CAGE1: variants seen among roughly 807,000 people sequenced by gnomAD.
CAGE1 encodes cancer antigen 1, also known as cancer-associated gene 1 protein.
Under a neutral mutation model 94.9 loss-of-function variants are expected in CAGE1, and 66 were observed. That is an observed-to-expected ratio of 0.70 (90% CI 0.57 to 0.85). The LOEUF is 0.85. CAGE1 is among the 40% of genes least tolerant of loss of function. The pLI is 0.00. For synonymous variants in CAGE1, 319 were observed against 321.0 expected (o/e 0.99, Z 0.07); for missense variants, 865 against 950.4 (o/e 0.91, Z 1.18).
chr6:7,368,379 A>G (rs9406024), intron 7 of CAGE1, among the ~76,000 whole-genome samples: 56,538 of 151,980 alleles, frequency 0.37, 10,708 homozygotes, highest in Admixed American at 0.43. Context: ...CCAAAGGATG[A>G]AGTTTGAAAT....
chr6:7,368,856 G>T, intron 6 of CAGE1, 58 bp from the exon 7 acceptor site: 1 of 997,600 alleles, frequency 1.0e-6, no homozygotes, highest in Non-Finnish European at 1.5e-6. Flanking sequence ...CTAAAATGAG[G>T]CCAAAACTAT....
chr6:7,367,404 T>C (rs1175764330), intron 7 of CAGE1, among the ~76,000 whole-genome samples: 1 of 151,426 alleles, frequency 6.6e-6, no homozygotes, highest in Non-Finnish European at 1.5e-5. Context: ...GCCTCCGGAA[T>C]AGCTAGGACA....
At chr6:7,372,664 CTTTTTTCT>C (rs1004784665) in intron 5 of CAGE1, among the ~76,000 whole-genome samples, 3 of 151,944 alleles carry the variant, frequency 2.0e-5, no homozygotes, top group Non-Finnish European at 4.4e-5. Flanking sequence ...ATCTGTTTTT[CTTTTTTCT>C]TTTTTTCTTT....
At chr6:7,346,387 T>A (rs1011856685) in intron 11 of CAGE1, among the ~76,000 whole-genome samples, 2 of 151,780 alleles carry the variant, frequency 1.3e-5, no homozygotes, top group African/African-American at 4.8e-5. Context: ...AGACCCTGTT[T>A]CTAAAATAAA....
At chr6:7,342,514 C>G (rs891307025) in intron 11 of CAGE1, among the ~76,000 whole-genome samples, 1 of 152,154 alleles carries the variant, frequency 6.6e-6, no homozygotes, top group Non-Finnish European at 1.5e-5. Context: ...ACTCATACTC[C>G]GGGTATCTGT....
chr6:7,354,717 TGTGA>T (rs1447687989), intron 11 of CAGE1, among the ~76,000 whole-genome samples: 6 of 152,226 alleles, frequency 3.9e-5, no homozygotes, highest in Non-Finnish European at 8.8e-5. Flanking sequence ...AATATCTTTT[TGTGA>T]GTAATTTCTA....
chr6:7,361,179 A>G (rs979301618), intron 9 of CAGE1, among the ~76,000 whole-genome samples: 2 of 152,164 alleles, frequency 1.3e-5, no homozygotes, highest in African/African-American at 4.8e-5. Flanking sequence ...CCTGCTTCTA[A>G]AAGAGGAACT....
chr6:7,335,596 C>T (rs1281275121), intron 11 of CAGE1, among the ~76,000 whole-genome samples: 2 of 152,186 alleles, frequency 1.3e-5, no homozygotes, highest in East Asian at 3.8e-4. Context: ...TTTTACTATT[C>T]AGAGACAGAG....
intron 12 of CAGE1, 135 bp downstream of exon 12, chr6:7,333,887 C>T (rs1198282253): frequency 1.5e-5 from 8 of 525,568 alleles, no homozygotes; most frequent in African/African-American, 1.0e-4. Context: ...AGGCTGGTCT[C>T]GAACTCCTGA....
intron 8 of CAGE1, 90 bp downstream of exon 8, chr6:7,365,714 A>G: frequency 2.3e-6 from 3 of 1,319,490 alleles, no homozygotes; most frequent in South Asian, 1.3e-5. Context: ...TAGAACTAGA[A>G]GTACTTCAAC....
chr6:7,364,471 T>C (rs976322124), intron 9 of CAGE1, among the ~76,000 whole-genome samples: 1 of 152,100 alleles, frequency 6.6e-6, no homozygotes, highest in Non-Finnish European at 1.5e-5. Context: ...GGTTTTTTGT[T>C]TGTTTGTTTG....
rs869241612 is a variant in CAGE1, at chr6:7,328,934, A to ATTTT, written c.2478+911_2478+914dup. 6.0e-3 allele frequency among the ~76,000 whole-genome samples: 639 copies of ATTTT among 106,792 alleles called. 21 individuals are homozygous for ATTTT. The highest frequency in any genetic ancestry group is 0.019 in the African/African-American group (465 of 24,744). The allele number at this position is 106,792 out of a possible 152,430, so 70.1% of individuals were successfully genotyped here. ...TGTGTGTGTGTATATATATATATAT[A>ATTTT]TTTTTTTTTTTTTTTGAGATAGAGT... is the stretch of plus-strand genomic sequence containing the variant. On this transcript the variant is annotated intron_variant, in intron 13 of 13. Transcript: ENST00000502583.
intron 9 of CAGE1, among the ~76,000 whole-genome samples, chr6:7,358,999 T>A (rs1488649901): frequency 6.6e-6 from 1 of 152,186 alleles, no homozygotes; most frequent in African/African-American, 2.4e-5. Flanking sequence ...TCTTTTTAAT[T>A]TTAGACATTC....
intron 9 of CAGE1, among the ~76,000 whole-genome samples, chr6:7,360,730 G>A (rs1386217732): frequency 6.6e-6 from 1 of 152,076 alleles, no homozygotes; most frequent in Non-Finnish European, 1.5e-5. Context: ...AATCACCTGA[G>A]GTCAGGAGTT....
chr6:7,342,038 T>A, intron 11 of CAGE1: 1 of 870,194 alleles, frequency 1.1e-6, no homozygotes, highest in Admixed American at 1.7e-5. Flanking sequence ...TATTTGTCTT[T>A]TTGGTAGGCA....
At chr6:7,360,880 G>A (rs932089983) in intron 9 of CAGE1, among the ~76,000 whole-genome samples, 2 of 152,122 alleles carry the variant, frequency 1.3e-5, no homozygotes, top group Non-Finnish European at 1.5e-5. Context: ...CCGGGAGGTG[G>A]AGGTTGCAGT....
At position 7,378,828 on chromosome 6, in the gene CAGE1, T is replaced by C. The variant is rs202118772; in HGVS notation, c.476A>G (p.Asp159Gly). 7.0e-5 allele frequency: 113 copies of C among 1,613,272 alleles called. No individual in the cohort carries two copies. Among genetic ancestry groups the C allele is most frequent in the Non-Finnish European group, 9.6e-5 (113 of 1,179,540 alleles). ...NYAKDNNIKQ[D>G]SFKEENPMET... ...CATTGGATTTTCTTCCTTAAATGAG[T>C]CTTGCTTTATATTGTTGTCTTTTGC... is the stretch of plus-strand genomic sequence containing the variant. Residue 159 changes from aspartate (D) to glycine (G), a missense_variant, in exon 4 of 14, where the codon GAC becomes GGC. By Grantham distance (94) the Asp-to-Gly change is moderately conservative (BLOSUM62 -1). Transcript: ENST00000502583.
At chr6:7,382,684 G>A (rs972991857) in intron 3 of CAGE1, among the ~76,000 whole-genome samples, 6 of 151,656 alleles carry the variant, frequency 4.0e-5, no homozygotes, top group East Asian at 2.0e-4. Flanking sequence ...GGCTGAGGCC[G>A]GCAGATCACA....
chr6:7,334,119 A>T, intron 11 of CAGE1, 29 bp from the exon 12 acceptor site: 1 of 1,360,212 alleles, frequency 7.4e-7, no homozygotes, highest in Non-Finnish European at 1.0e-6. Flanking sequence ...GAATTTTATG[A>T]CTAAAATGGA....
Sources: allele counts gnomAD v4.1 joint callset (sites outside exome capture counted in the v4.1 genomes callset), GRCh38; gene constraint gnomAD v4.1.1; transcripts MANE v1.5; gene names NCBI Gene and HGNC (gene_info 2026-07-23, HGNC 2026-07-21).